GRIK4: variants seen among roughly 807,000 people sequenced by gnomAD.
The protein encoded by GRIK4 is glutamate receptor ionotropic, kainate 4.
GRIK4 carries 40 observed loss-of-function variants against 104.9 expected under a neutral mutation model. That is an observed-to-expected ratio of 0.38 (90% confidence interval 0.30 to 0.50). The LOEUF is 0.50. Among genes scored for constraint, GRIK4 ranks in the 20% least tolerant of loss-of-function variants. GRIK4 has a pLI of 0.93. For synonymous variants in GRIK4, 485 were observed against 524.9 expected (o/e 0.92, Z 1.04); for missense variants, 1,047 against 1,308.1 (o/e 0.80, Z 3.08).
At chr11:120,654,563 A>G (rs1949672475) in intron 2 of GRIK4, among the ~76,000 whole-genome samples, 1 of 151,964 alleles carries the variant, frequency 6.6e-6, no homozygotes, top group Admixed American at 6.6e-5. Flanking sequence ...GGGTTTCACC[A>G]TGTTGGCCAG....
chr11:120,515,122 C>T (rs2034348755), intron 1 of GRIK4: 1 of 444,294 alleles, frequency 2.3e-6, no homozygotes, highest in Admixed American at 2.4e-5. Context: ...TGATCTTGTC[C>T]CCCCTCCCCT....
chr11:120,765,527 G>A lies in GRIK4; in HGVS notation c.83-37166G>A, dbSNP rs557615653. Reference sequence around the variant, plus strand: ...TGACGAGGAGTTGTGACCCTTTGGAGGAGAAGCAGCATTCTGGTTTTTGGA... The same window carrying A: ...TGACGAGGAGTTGTGACCCTTTGGAAGAGAAGCAGCATTCTGGTTTTTGGA... On this transcript the variant is annotated intron_variant, in intron 3 of 20. Transcript: ENST00000527524. Among the ~76,000 whole-genome samples the A allele has an allele frequency of 5.3e-5, 8 of 152,222 alleles. No individual in the cohort carries two copies. In the South Asian group the frequency reaches 1.4e-3, roughly 28 times the overall value.
chr11:120,589,006 T>A (rs1315024768), intron 1 of GRIK4, among the ~76,000 whole-genome samples: 1 of 152,148 alleles, frequency 6.6e-6, no homozygotes, highest in Admixed American at 6.5e-5. Context: ...GAGGAGGCTT[T>A]ATGAGCAGAT....
At chr11:120,749,309 A>C (rs1951502394) in intron 3 of GRIK4, among the ~76,000 whole-genome samples, 1 of 152,298 alleles carries the variant, frequency 6.6e-6, no homozygotes, top group East Asian at 1.9e-4. Flanking sequence ...CTGTGGTGCC[A>C]GGCTAGAAAG....
chr11:120,566,958 C>T (rs1424199015), intron 1 of GRIK4, among the ~76,000 whole-genome samples: 11 of 148,266 alleles, frequency 7.4e-5, no homozygotes, highest in South Asian at 2.1e-4. Flanking sequence ...CCGCCCACCT[C>T]GGCCTCCTAA....
chr11:120,736,364 T>A (rs966603884), intron 3 of GRIK4, among the ~76,000 whole-genome samples: 6 of 151,790 alleles, frequency 4.0e-5, no homozygotes, highest in African/African-American at 1.5e-4. Flanking sequence ...AAGGAAGGAG[T>A]CACTTTTGTT....
rs759067503 is a variant in GRIK4, at chr11:120,905,256, A to G, written c.1273-34A>G. ...ACACGCGGGTGAGACACCAGGGCTAAGATGAGAATGACAGCTGCCCAGTTT... is the reference window on the plus strand; with the variant it reads ...ACACGCGGGTGAGACACCAGGGCTAGGATGAGAATGACAGCTGCCCAGTTT... On this transcript the variant is annotated intron_variant, in intron 12 of 20. Transcript: ENST00000527524. The surrounding 1 kb of genome is among the most constrained non-coding windows in gnomAD (Gnocchi z 5.1). 1.3e-6 allele frequency: 2 copies of G among 1,495,306 alleles called. No individual in the cohort carries two copies. Among genetic ancestry groups the G allele is most frequent in the East Asian group, 2.3e-5 (1 of 44,338 alleles). 92.6% of individuals were successfully genotyped at this position (1,495,306 alleles called of 1,614,324 possible).
intron 8 of GRIK4, among the ~76,000 whole-genome samples, chr11:120,842,100 A>G (rs1953732833): frequency 1.3e-5 from 2 of 152,324 alleles, no homozygotes; most frequent in South Asian, 4.1e-4. Context: ...AAAATTAGCA[A>G]CTGATAACAC....
chr11:120,850,795 ACATTAT>A (rs1953955055), intron 8 of GRIK4, among the ~76,000 whole-genome samples: 1 of 93,818 alleles, frequency 1.1e-5, no homozygotes, highest in Non-Finnish European at 2.1e-5. Flanking sequence ...ATGGCAAATC[ACATTAT>A]TATTATTATT....
chr11:120,742,526 A>ATTTT (rs138311151), intron 3 of GRIK4, among the ~76,000 whole-genome samples: 51 of 146,262 alleles, frequency 3.5e-4, no homozygotes, highest in Admixed American at 8.2e-4. Context: ...TATTATTATT[A>ATTTT]TTTTTTTTTG....
intron 1 of GRIK4, among the ~76,000 whole-genome samples, chr11:120,585,824 G>A (rs11602493): frequency 0.46 from 69,008 of 151,572 alleles, 16,985 homozygotes; most frequent in African/African-American, 0.64. Flanking sequence ...GATTGACAAG[G>A]TGTGATTTTG....
intron 1 of GRIK4, among the ~76,000 whole-genome samples, chr11:120,564,922 C>T (rs1453743735): frequency 6.6e-6 from 1 of 152,152 alleles, no homozygotes; most frequent in African/African-American, 2.4e-5. Context: ...TCCCAGCTCC[C>T]CGCTTTCCTT....
intron 3 of GRIK4, among the ~76,000 whole-genome samples, chr11:120,769,571 C>T (rs886635896): frequency 4.6e-5 from 7 of 152,160 alleles, no homozygotes; most frequent in Admixed American, 1.3e-4. Context: ...CAATTCTTAA[C>T]TTGCAGACCA....
At chr11:120,724,083 T>C (rs189512133) in intron 3 of GRIK4, among the ~76,000 whole-genome samples, 34 of 152,320 alleles carry the variant, frequency 2.2e-4, no homozygotes, top group Non-Finnish European at 1.5e-5. Context: ...CTGTTTTCTT[T>C]CAGTTAGCGT....
intron 3 of GRIK4, among the ~76,000 whole-genome samples, chr11:120,724,041 A>G (rs1249317050): frequency 6.6e-6 from 1 of 152,132 alleles, no homozygotes; most frequent in African/African-American, 2.4e-5. Context: ...AACGTCATAT[A>G]AGTGGAATTA....
At chr11:120,673,138 T>A (rs1950047596) in intron 3 of GRIK4, among the ~76,000 whole-genome samples, 1 of 152,234 alleles carries the variant, frequency 6.6e-6, no homozygotes, top group Non-Finnish European at 1.5e-5. Flanking sequence ...ACATTCATCA[T>A]CATCTGACAT....
intron 11 of GRIK4, among the ~76,000 whole-genome samples, chr11:120,897,811 T>C (rs1003404538): frequency 6.6e-6 from 1 of 151,978 alleles, no homozygotes; most frequent in South Asian, 2.1e-4. Flanking sequence ...ATTTTTTAGA[T>C]GAGAAAACAT....
intron 1 of GRIK4, among the ~76,000 whole-genome samples, chr11:120,589,505 C>T (rs1948709838): frequency 6.6e-6 from 1 of 152,148 alleles, no homozygotes. Flanking sequence ...CGCTGCTGGC[C>T]ACCCGTGTCT....
intron 6 of GRIK4, 101 bp from the exon 7 acceptor site, chr11:120,831,751 C>T (rs1953432783): frequency 2.4e-6 from 2 of 847,948 alleles, no homozygotes; most frequent in Non-Finnish European, 3.8e-6. Flanking sequence ...ACCCCCCGAC[C>T]CCACTTCCAG....
Sources: gnomAD v4.1 joint callset for allele counts (sites outside exome capture counted in the v4.1 genomes callset) on GRCh38, gnomAD v4.1.1 for gene constraint, Gnocchi (gnomAD v3.1) non-coding constraint, MANE v1.5 for transcripts, NCBI Gene and HGNC (gene_info 2026-07-23, HGNC 2026-07-21) for gene names.